SPAG9: variants seen among roughly 807,000 people sequenced by gnomAD.
SPAG9 encodes the protein sperm associated antigen 9.
SPAG9 carries 35 observed loss-of-function variants against 166.5 expected under a neutral mutation model. The ratio of observed to expected loss-of-function variants is 0.21; its 90% CI spans 0.16 to 0.28. The LOEUF is 0.28. SPAG9 is among the 10% of genes least tolerant of loss of function. The probability of loss-of-function intolerance (pLI) is 1.00; values close to 1 mark genes in which losing one functional copy is unlikely to be tolerated. For missense variants in SPAG9, 1,235 were observed against 1,603.3 expected (o/e 0.77, Z 3.92); for synonymous variants, 534 against 565.5 (o/e 0.94, Z 0.79).
At position 50,962,987 on chromosome 17, in the gene SPAG9, A is replaced by G. The variant is rs905783536; in HGVS notation, c.*3285T>C. ...ATTTAGATCCACATGGGTTAGAGAA[A>G]AATACTCTCAAAAGTGAGTTCCTAG... On this transcript the variant is annotated 3_prime_UTR_variant, in exon 30 of 30. Transcript: ENST00000262013. The G allele has an allele frequency of 1.3e-5, 2 of 152,212 alleles. No homozygotes were observed. The highest frequency in any genetic ancestry group is 4.8e-5 in the African/African-American group (2 of 41,450). 9.4% of individuals were successfully genotyped at this position (152,212 alleles called of 1,614,324 possible).
intron 1 of SPAG9, among the ~76,000 whole-genome samples, chr17:51,093,694 C>CAAAAAAAAA (rs57010523): frequency 1.4e-5 from 1 of 72,550 alleles, no homozygotes; most frequent in Non-Finnish European, 2.5e-5. Flanking sequence ...GACTCCGTCT[C>CAAAAAAAAA]AAAAAAAAAA....
intron 2 of SPAG9, among the ~76,000 whole-genome samples, chr17:51,078,521 T>C (rs913247616): frequency 1.1e-4 from 16 of 152,072 alleles, no homozygotes; most frequent in African/African-American, 3.6e-4. Flanking sequence ...CTTTGCTCCC[T>C]AGGATTCTGA....
intron 28 of SPAG9, among the ~76,000 whole-genome samples, chr17:50,972,377 T>C (rs1417207556): frequency 6.6e-6 from 1 of 152,244 alleles, no homozygotes; most frequent in Non-Finnish European, 1.5e-5. Context: ...GGCTTTCCTC[T>C]CATATTTAAG....
chr17:51,058,723 T>C (rs1030622727), intron 2 of SPAG9, among the ~76,000 whole-genome samples: 2 of 152,030 alleles, frequency 1.3e-5, no homozygotes, highest in African/African-American at 4.8e-5. Context: ...AAAACCAAAA[T>C]GCAACACCAC....
intron 11 of SPAG9, 117 bp downstream of exon 11, chr17:51,005,968 G>A (rs1049732720): frequency 6.8e-6 from 8 of 1,173,388 alleles, no homozygotes; most frequent in Non-Finnish European, 9.8e-6. Flanking sequence ...CTCCCAGGCA[G>A]CTCTTGGCCT....
intron 1 of SPAG9, among the ~76,000 whole-genome samples, chr17:51,114,690 G>A (rs1007090261): frequency 6.6e-6 from 1 of 152,020 alleles, no homozygotes; most frequent in African/African-American, 2.4e-5. Context: ...GGTGGCTCAC[G>A]CCTGTAATCC....
At chr17:50,983,107 T>A (rs1974777661) in intron 24 of SPAG9, among the ~76,000 whole-genome samples, 1 of 152,202 alleles carries the variant, frequency 6.6e-6, no homozygotes, top group Non-Finnish European at 1.5e-5. Flanking sequence ...CATACTATAT[T>A]TTCAGTGATA....
chr17:51,118,658 A>G (rs1293907612), intron 1 of SPAG9, among the ~76,000 whole-genome samples: 3 of 152,220 alleles, frequency 2.0e-5, no homozygotes, highest in Admixed American at 1.3e-4. Flanking sequence ...TTCTATAAAG[A>G]GTGCTAACAA....
At chr17:51,018,615 A>C (rs947992652) in intron 8 of SPAG9, among the ~76,000 whole-genome samples, 1 of 152,210 alleles carries the variant, frequency 6.6e-6, no homozygotes, top group Non-Finnish European at 1.5e-5. Context: ...CCCACCCAGC[A>C]GCAGGAAACA....
intron 2 of SPAG9, among the ~76,000 whole-genome samples, chr17:51,067,212 T>TA (rs1392026947): frequency 1.3e-5 from 2 of 152,212 alleles, no homozygotes; most frequent in Admixed American, 6.5e-5. Flanking sequence ...TGAAAATACT[T>TA]ACAATAACTC....
intron 1 of SPAG9, among the ~76,000 whole-genome samples, chr17:51,095,505 G>C (rs1018722057): frequency 1.3e-5 from 2 of 150,614 alleles, no homozygotes; most frequent in Non-Finnish European, 1.5e-5. Flanking sequence ...ACAAAAATGA[G>C]CCAGGCATGG....
At chr17:51,039,996 A>G (rs1471733887) in intron 5 of SPAG9, among the ~76,000 whole-genome samples, 1 of 152,088 alleles carries the variant, frequency 6.6e-6, no homozygotes, top group African/African-American at 2.4e-5. Flanking sequence ...GCACTTTGGG[A>G]GGCTGAGGCG....
At chr17:51,058,583 G>A (rs2047420997) in intron 2 of SPAG9, among the ~76,000 whole-genome samples, 1 of 152,124 alleles carries the variant, frequency 6.6e-6, no homozygotes, top group African/African-American at 2.4e-5. Flanking sequence ...ATCACTTTGG[G>A]CAGAGGGGAG....
intron 4 of SPAG9, 72 bp downstream of exon 4, chr17:51,047,303 A>G (rs765431697): frequency 1.5e-5 from 13 of 874,970 alleles, no homozygotes; most frequent in Non-Finnish European, 1.9e-5. Flanking sequence ...GGATTAAAGA[A>G]CAGAGAAAAA....
At chr17:51,010,986 C>T (rs997119872) in intron 9 of SPAG9, among the ~76,000 whole-genome samples, 5 of 151,954 alleles carry the variant, frequency 3.3e-5, no homozygotes, top group Middle Eastern at 3.4e-3. Context: ...ACCTGAAAGA[C>T]GAGCAAAGGA....
chr17:50,981,740 A>C (rs1974661978), intron 25 of SPAG9, among the ~76,000 whole-genome samples: 1 of 151,670 alleles, frequency 6.6e-6, no homozygotes, highest in Admixed American at 6.6e-5. Flanking sequence ...AACCGTAAGA[A>C]AACAATGCTA....
intron 6 of SPAG9, chr17:51,031,344 C>T (rs145087679): frequency 5.9e-5 from 18 of 305,288 alleles, no homozygotes; most frequent in Non-Finnish European, 8.8e-5. Context: ...AGGACAAATA[C>T]AAGTTACATA....
At chr17:51,045,584 G>A (rs2046989967) in intron 4 of SPAG9, among the ~76,000 whole-genome samples, 1 of 151,616 alleles carries the variant, frequency 6.6e-6, no homozygotes, top group Admixed American at 6.6e-5. Context: ...CTACAATTAG[G>A]GTTTAAATAT....
chr17:51,058,110 AAAAAC>A (rs2047408609), intron 2 of SPAG9, among the ~76,000 whole-genome samples: 1 of 152,250 alleles, frequency 6.6e-6, no homozygotes, highest in Admixed American at 6.5e-5. Flanking sequence ...AATGTGCAAC[AAAAAC>A]AAAAATTGGA....
Sources: allele counts gnomAD v4.1 joint callset (sites outside exome capture counted in the v4.1 genomes callset), GRCh38; gene constraint gnomAD v4.1.1; transcripts MANE v1.5; gene names NCBI Gene and HGNC (gene_info 2026-07-23, HGNC 2026-07-21).